ACOT11: variants seen among roughly 807,000 people sequenced by gnomAD.
ACOT11 encodes acyl-coenzyme A thioesterase 11.
Under a neutral mutation model 77.5 loss-of-function variants are expected in ACOT11, and 69 were observed. That is an observed-to-expected ratio of 0.89 (90% CI 0.73 to 1.09). ACOT11 has a LOEUF of 1.09. ACOT11 is among the 50% of genes least tolerant of loss of function. ACOT11 has a pLI of 0.00. For missense variants in ACOT11, 766 were observed against 813.7 expected (o/e 0.94, Z 0.71); for synonymous variants, 279 against 313.0 (o/e 0.89, Z 1.15).
At chr1:54,604,009 G>T in intron 11 of ACOT11, 72 bp downstream of exon 11, 2 of 1,421,998 alleles carry the variant, frequency 1.4e-6, no homozygotes, top group East Asian at 2.3e-5. Context: ...TTGTCAGAAC[G>T]GGTTTGGAGG....
intron 1 of ACOT11, among the ~76,000 whole-genome samples, chr1:54,548,892 C>T (rs1652968198): frequency 6.6e-6 from 1 of 152,124 alleles, no homozygotes; most frequent in African/African-American, 2.4e-5. Context: ...GAGAACTTTT[C>T]CCTGCGCTTT....
intron 1 of ACOT11, among the ~76,000 whole-genome samples, chr1:54,569,442 C>T (rs997740147): frequency 2.0e-5 from 3 of 152,190 alleles, no homozygotes; most frequent in Non-Finnish European, 4.4e-5. Context: ...AGCCTGGCCC[C>T]CTCACTGTCC....
intron 15 of ACOT11, among the ~76,000 whole-genome samples, chr1:54,622,748 ATAGTT>A (rs1253163065): frequency 1.3e-5 from 2 of 151,278 alleles, no homozygotes; most frequent in African/African-American, 4.9e-5. Flanking sequence ...CTCAAAAAAA[ATAGTT>A]AACGGGACTT....
At chr1:54,557,043 C>T (rs1276724451) in intron 1 of ACOT11, among the ~76,000 whole-genome samples, 1 of 151,382 alleles carries the variant, frequency 6.6e-6, no homozygotes, top group Admixed American at 6.6e-5. Flanking sequence ...GTAGCTGAGA[C>T]TACAGGCATG....
intron 1 of ACOT11, among the ~76,000 whole-genome samples, chr1:54,552,831 T>G (rs1409025248): frequency 1.1e-4 from 3 of 26,514 alleles, no homozygotes; most frequent in African/African-American, 4.9e-4. Context: ...TTTTGTTTTG[T>G]TTTTTTTTTT....
chr1:54,568,612 C>T (rs1372237497), intron 1 of ACOT11, among the ~76,000 whole-genome samples: 4 of 152,148 alleles, frequency 2.6e-5, no homozygotes, highest in Non-Finnish European at 5.9e-5. Flanking sequence ...GATCCACTCA[C>T]TTCGGCCTCT....
intron 1 of ACOT11, among the ~76,000 whole-genome samples, chr1:54,550,673 G>C (rs1419260126): frequency 6.6e-6 from 1 of 151,082 alleles, no homozygotes; most frequent in Admixed American, 6.6e-5. Context: ...AAAAAAAATA[G>C]CTGGGCATAG....
intron 15 of ACOT11, among the ~76,000 whole-genome samples, chr1:54,620,190 A>G (rs1468505936): frequency 6.6e-6 from 1 of 152,230 alleles, no homozygotes; most frequent in Non-Finnish European, 1.5e-5. Context: ...CTGGGGCCCA[A>G]GGAAGCCTCA....
exon 17 of ACOT11, chr1:54,636,820 T>C (rs922673955): frequency 3.9e-5 from 6 of 155,064 alleles, no homozygotes; most frequent in African/African-American, 1.4e-4. Context: ...TACTTGAGAT[T>C]AGGGAGTGGT....
Position 54,620,845 on chromosome 1 carries a change from CAAAAAAAAA to C in ACOT11, c.1630-9865_1630-9857del, listed in dbSNP as rs767625864. Reference sequence around the variant, plus strand: ...CCTGGATGACACAAAGAGACTCTGTCAAAAAAAAAAAAAAAAAAAAAAAAAAAAAAAAGG... The same window carrying C: ...CCTGGATGACACAAAGAGACTCTGTCAAAAAAAAAAAAAAAAAAAAAAAGG... On this transcript the variant is annotated intron_variant, in intron 15 of 16. Coordinates refer to the ACOT11 transcript ENST00000371316. Among the ~76,000 whole-genome samples, 62 of 12,122 alleles carry C rather than the reference CAAAAAAAAA, an allele frequency of 5.1e-3. 1 individual carries two copies. In the East Asian group the frequency reaches 0.085, roughly 17 times the overall value. The allele number at this position is 12,122 out of a possible 152,430, so 8.0% of individuals were successfully genotyped here. A position where few individuals can be genotyped will look rare whatever the true frequency, so the allele number is the denominator to read the frequency against.
chr1:54,552,938 C>T (rs1557643357), intron 1 of ACOT11, among the ~76,000 whole-genome samples: 4 of 151,758 alleles, frequency 2.6e-5, no homozygotes. Flanking sequence ...AGCGATTCTC[C>T]TGCCTCAGCC....
chr1:54,611,734 G>A (rs756654246), downstream of ACOT11: 24 of 1,613,986 alleles, frequency 1.5e-5, no homozygotes, highest in East Asian at 2.2e-5. Context: ...CTGCCACAGC[G>A]TCAGGCTGTA....
chr1:54,586,050 G>A, intron 3 of ACOT11, 146 bp downstream of exon 3: 2 of 720,308 alleles, frequency 2.8e-6, no homozygotes, highest in East Asian at 3.7e-5. Context: ...AGCCTCTGGG[G>A]AAGTGTGAAC....
intron 1 of ACOT11, among the ~76,000 whole-genome samples, chr1:54,571,261 C>T (rs1050679977): frequency 6.6e-6 from 1 of 152,132 alleles, no homozygotes; most frequent in Non-Finnish European, 1.5e-5. Context: ...AGCCCCCATG[C>T]CTTCCTGTTT....
At chr1:54,576,439 G>A (rs749268334) in intron 1 of ACOT11, among the ~76,000 whole-genome samples, 12 of 139,144 alleles carry the variant, frequency 8.6e-5, no homozygotes, top group Non-Finnish European at 1.2e-4. Flanking sequence ...GGAGGCTGCA[G>A]TGAGCTGAGG....
Position 54,623,177 on chromosome 1 carries a change from A to T in ACOT11, c.1630-7557A>T, listed in dbSNP as rs139262063. ...GGGCAACAAGAGCAAAACTCCGTCTAAAAAAAAAAAAGGGACTGGTCAGAG... is the reference window on the plus strand; with the variant it reads ...GGGCAACAAGAGCAAAACTCCGTCTTAAAAAAAAAAAGGGACTGGTCAGAG... On this transcript the variant is annotated intron_variant, in intron 15 of 16. Transcript: ENST00000371316. 4.7e-5 allele frequency: 9 copies of T among 189,504 alleles called. No individual in the cohort carries two copies. The South Asian group carries it at 5.5e-4, about 12-fold the overall frequency. The allele number at this position is 189,504 out of a possible 1,614,324, so 11.7% of individuals were successfully genotyped here.
At chr1:54,554,739 G>A (rs902233381) in intron 1 of ACOT11, among the ~76,000 whole-genome samples, 2 of 152,002 alleles carry the variant, frequency 1.3e-5, no homozygotes, top group South Asian at 2.1e-4. Flanking sequence ...CAATAAACAC[G>A]GGAGTAGAGG....
chr1:54,558,329 G>A (rs555081160), intron 1 of ACOT11, among the ~76,000 whole-genome samples: 7 of 152,346 alleles, frequency 4.6e-5, no homozygotes, highest in African/African-American at 1.7e-4. Flanking sequence ...TGTATGCCAT[G>A]CCTGCAGTAA....
At chr1:54,636,565 AT>A (rs1333808916) in exon 17 of ACOT11, 1 of 152,190 alleles carries the variant, frequency 6.6e-6, no homozygotes, top group African/African-American at 2.4e-5. Flanking sequence ...CAGACATTCC[AT>A]TGCCCAGAGA....
Sources: gnomAD v4.1 joint callset for allele counts (sites outside exome capture counted in the v4.1 genomes callset) on GRCh38, gnomAD v4.1.1 for gene constraint, MANE v1.5 for transcripts, NCBI Gene and HGNC (gene_info 2026-07-23, HGNC 2026-07-21) for gene names.